The following PRKCE variants were observed in gnomAD, a reference collection of about 807,000 sequenced individuals.
PRKCE encodes protein kinase C epsilon type.
A neutral mutation model predicts 85.4 loss-of-function variants in PRKCE; 16 were observed. That is an observed-to-expected ratio of 0.19 (90% CI 0.13 to 0.28). The LOEUF is 0.28. PRKCE is among the 10% of genes least tolerant of loss of function. PRKCE has a pLI of 1.00. For missense variants in PRKCE, 573 were observed against 975.2 expected (o/e 0.59, Z 5.49); for synonymous variants, 388 against 371.5 (o/e 1.04, Z -0.51).
intron 1 of PRKCE, among the ~76,000 whole-genome samples, chr2:45,812,162 C>T (rs1688698021): frequency 6.6e-6 from 1 of 152,224 alleles, no homozygotes; most frequent in South Asian, 2.1e-4. Flanking sequence ...AAACAGGCTT[C>T]ACTACACTTG....
At chr2:45,824,078 C>T (rs1199833909) in intron 1 of PRKCE, among the ~76,000 whole-genome samples, 1 of 152,186 alleles carries the variant, frequency 6.6e-6, no homozygotes, top group East Asian at 1.9e-4. Flanking sequence ...GACTGCACTC[C>T]CAGCTTTCTA....
chr2:46,168,952 C>A (rs111234638), intron 14 of PRKCE, among the ~76,000 whole-genome samples: 2,014 of 152,290 alleles, frequency 0.013, 32 homozygotes, highest in African/African-American at 0.046. Flanking sequence ...GGTCTGGCTG[C>A]CAGGAGGGAC....
chr2:46,168,576 C>T (rs1678573279), intron 14 of PRKCE, among the ~76,000 whole-genome samples: 1 of 152,222 alleles, frequency 6.6e-6, no homozygotes, highest in Non-Finnish European at 1.5e-5. Flanking sequence ...GAGGGAGAAG[C>T]TTGACAAAGG....
At chr2:46,024,352 C>T (rs1204945239) in intron 10 of PRKCE, among the ~76,000 whole-genome samples, 2 of 151,014 alleles carry the variant, frequency 1.3e-5, no homozygotes, top group South Asian at 2.1e-4. Context: ...GAAGCCTCCA[C>T]TTTTGACCTC....
chr2:45,714,165 G>A (rs1679895932), intron 1 of PRKCE, among the ~76,000 whole-genome samples: 1 of 152,214 alleles, frequency 6.6e-6, no homozygotes, highest in Non-Finnish European at 1.5e-5. Context: ...GATAGGCATG[G>A]CCCCTGCTCT....
At chr2:45,705,890 G>T (rs1038658337) in intron 1 of PRKCE, among the ~76,000 whole-genome samples, 5 of 152,318 alleles carry the variant, frequency 3.3e-5, no homozygotes, top group Middle Eastern at 3.4e-3. Context: ...GGGACCTGGG[G>T]TCTTTCTGAA....
chr2:45,854,459 C>T (rs1342490282), intron 2 of PRKCE, among the ~76,000 whole-genome samples: 1 of 152,174 alleles, frequency 6.6e-6, no homozygotes, highest in Non-Finnish European at 1.5e-5. Flanking sequence ...GCTGAATTAG[C>T]ATTAGGTGGC....
At chr2:45,830,328 C>A (rs1376038492) in intron 1 of PRKCE, among the ~76,000 whole-genome samples, 2 of 151,468 alleles carry the variant, frequency 1.3e-5, no homozygotes, top group African/African-American at 4.8e-5. Flanking sequence ...AATGAGAAAA[C>A]AGGAAGGCAC....
chr2:45,890,568 T>G (rs1695650684), intron 2 of PRKCE, among the ~76,000 whole-genome samples: 1 of 152,068 alleles, frequency 6.6e-6, no homozygotes, highest in Non-Finnish European at 1.5e-5. Context: ...TTAGTAGAGA[T>G]GGGATTTTCA....
chr2:46,086,391 A>G (rs933845458), intron 11 of PRKCE, 29 bp downstream of exon 11: 1 of 1,586,664 alleles, frequency 6.3e-7, no homozygotes, highest in Non-Finnish European at 8.5e-7. Context: ...CTCTTTCCTG[A>G]AAGTGAAGAA....
At chr2:45,787,473 C>T (rs1021982395) in intron 1 of PRKCE, among the ~76,000 whole-genome samples, 23 of 152,164 alleles carry the variant, frequency 1.5e-4, no homozygotes, top group African/African-American at 5.1e-4. Flanking sequence ...CCTGCAGGTG[C>T]GTCTGGGGAG....
chr2:45,696,584 G>C (rs1678168920), intron 1 of PRKCE, among the ~76,000 whole-genome samples: 1 of 152,146 alleles, frequency 6.6e-6, no homozygotes, highest in South Asian at 2.1e-4. Flanking sequence ...CTGCTACTCA[G>C]CTTCATCTTT....
chr2:45,901,884 A>C (rs934175806), intron 2 of PRKCE, among the ~76,000 whole-genome samples: 5 of 152,216 alleles, frequency 3.3e-5, no homozygotes, highest in African/African-American at 1.2e-4. Flanking sequence ...GTGCGGTAAA[A>C]GAGTATGGTG....
At chr2:45,953,131 G>A (rs997077443) in intron 2 of PRKCE, among the ~76,000 whole-genome samples, 3 of 152,216 alleles carry the variant, frequency 2.0e-5, no homozygotes, top group Non-Finnish European at 4.4e-5. Context: ...GGTGAACACA[G>A]TTCTGAACCC....
At chr2:45,908,022 G>C (rs1193867705) in intron 2 of PRKCE, among the ~76,000 whole-genome samples, 1 of 152,094 alleles carries the variant, frequency 6.6e-6, no homozygotes, top group Non-Finnish European at 1.5e-5. Context: ...TTGAGACGGG[G>C]GAAGCAGAAG....
At chr2:45,838,611 A>G (rs1258746714) in intron 1 of PRKCE, among the ~76,000 whole-genome samples, 1 of 151,502 alleles carries the variant, frequency 6.6e-6, no homozygotes, top group Non-Finnish European at 1.5e-5. Context: ...AAAGTACAAT[A>G]CTCTTACCTT....
At chr2:45,971,781 T>C (rs1702125676) in intron 2 of PRKCE, among the ~76,000 whole-genome samples, 1 of 152,258 alleles carries the variant, frequency 6.6e-6, no homozygotes, top group South Asian at 2.1e-4. Context: ...TCTAAGTAGT[T>C]GGAACATACC....
At chr2:45,968,038 A>G (rs1183654958) in intron 2 of PRKCE, among the ~76,000 whole-genome samples, 1 of 152,198 alleles carries the variant, frequency 6.6e-6, no homozygotes. Flanking sequence ...GCAGTGAGGA[A>G]TGACAGTGGT....
chr2:45,749,316 C>A (rs1012076155), intron 1 of PRKCE, among the ~76,000 whole-genome samples: 1 of 152,188 alleles, frequency 6.6e-6, no homozygotes, highest in African/African-American at 2.4e-5. Context: ...ATGCTATAAG[C>A]AAATTCTGTA....
Sources: gnomAD v4.1 joint callset for allele counts (sites outside exome capture counted in the v4.1 genomes callset) on GRCh38, gnomAD v4.1.1 for gene constraint, MANE v1.5 for transcripts, NCBI Gene and HGNC (gene_info 2026-07-23, HGNC 2026-07-21) for gene names.